The following DUSP16 variants were observed in gnomAD, a reference collection of about 807,000 sequenced individuals.
DUSP16 encodes dual specificity phosphatase 16.
DUSP16 carries 21 observed loss-of-function variants against 58.3 expected under a neutral mutation model. That is an observed-to-expected ratio of 0.36 (90% CI 0.26 to 0.52). The LOEUF (loss-of-function observed/expected upper bound fraction) is 0.52. DUSP16 is among the 20% of genes least tolerant of loss of function. DUSP16 has a pLI of 0.94. For synonymous variants in DUSP16, 320 were observed against 323.8 expected (o/e 0.99, Z 0.12); for missense variants, 726 against 819.0 (o/e 0.89, Z 1.39).
At chr12:12,555,489 G>A (rs1372563899) in intron 1 of DUSP16, among the ~76,000 whole-genome samples, 3 of 151,994 alleles carry the variant, frequency 2.0e-5, no homozygotes, top group African/African-American at 7.3e-5. Flanking sequence ...CTAGTACAAC[G>A]CACACTGTAA....
intron 4 of DUSP16, among the ~76,000 whole-genome samples, chr12:12,494,743 C>T (rs968240227): frequency 4.6e-5 from 7 of 152,070 alleles, no homozygotes; most frequent in East Asian, 3.9e-4. Flanking sequence ...AGGAAGAGAA[C>T]AGGAGAGGTA....
chr12:12,478,096 G>C, intron 6 of DUSP16, 81 bp from the exon 7 acceptor site: 1 of 1,246,482 alleles, frequency 8.0e-7, no homozygotes, highest in Non-Finnish European at 1.1e-6. Context: ...AAATGAGATA[G>C]GGAATTATCA....
chr12:12,549,319 G>A (rs1440297861), intron 1 of DUSP16, among the ~76,000 whole-genome samples: 3 of 151,970 alleles, frequency 2.0e-5, no homozygotes, highest in African/African-American at 4.8e-5. Context: ...GTGTTTTGAT[G>A]GAAATCCTTC....
In DUSP16 at chr12:12,520,743, C is replaced by T. The variant is rs1484710235; in HGVS notation, c.228+128G>A. 1.3e-5 allele frequency: 14 copies of T among 1,096,968 alleles called. No homozygotes were observed. In the East Asian group the frequency reaches 2.6e-4, roughly 20 times the overall value. The allele number at this position is 1,096,968 out of a possible 1,614,324, so 68.0% of individuals were successfully genotyped here. ...AATTATTTTGAGGTACCACAAGGCA[C>T]CAAAATTTAAAAAGCAACCAAAACT... is the stretch of plus-strand genomic sequence containing the variant. On this transcript the variant is annotated intron_variant, in intron 2 of 6. Coordinates refer to ENST00000298573, the MANE Select transcript of DUSP16 (RefSeq NM_030640.3).
Position 12,500,516 on chromosome 12 carries a change from C to A in DUSP16, c.531+3G>T. On this transcript the variant is annotated splice_donor_region_variant and intron_variant, in intron 4 of 6. Transcript: ENST00000298573. ...CAATGAAGGATATTTTCAAAGCACC[C>A]ACCTTGTTGAGGACATCTCGCTGGC... 6.3e-7 allele frequency: 1 copy of A among 1,598,608 alleles called. No individual in the cohort carries two copies. The highest frequency in any genetic ancestry group is 8.5e-7 in the Non-Finnish European group (1 of 1,174,354).
In DUSP16 at chr12:12,501,961, G is replaced by A. The variant is rs547430773; in HGVS notation, c.368-1279C>T. On this transcript the variant is annotated intron_variant, in intron 3 of 6. Transcript: ENST00000298573. ...GCCGAGATTGCGCCACTGCACTCCAGCCTGGGCAACAGAGCAACACTCCGT... is the reference window on the plus strand; with the variant it reads ...GCCGAGATTGCGCCACTGCACTCCAACCTGGGCAACAGAGCAACACTCCGT... Among the ~76,000 whole-genome samples, 57 of 152,262 alleles carry A rather than the reference G, an allele frequency of 3.7e-4. 1 individual carries two copies. In the South Asian group the frequency reaches 0.01, roughly 27 times the overall value.
At chr12:12,554,173 G>A (rs1472785753) in intron 1 of DUSP16, among the ~76,000 whole-genome samples, 1 of 141,880 alleles carries the variant, frequency 7.0e-6, no homozygotes, top group Non-Finnish European at 1.5e-5. Context: ...CTCCAACCTG[G>A]GTGACAGAGT....
intron 1 of DUSP16, among the ~76,000 whole-genome samples, chr12:12,551,495 G>A (rs959181566): frequency 4.7e-5 from 7 of 150,184 alleles, no homozygotes; most frequent in African/African-American, 1.7e-4. Flanking sequence ...ACTATCTGTT[G>A]CCAATGATAT....
At chr12:12,505,086 T>TA (rs1943972811) in intron 3 of DUSP16, among the ~76,000 whole-genome samples, 1 of 152,214 alleles carries the variant, frequency 6.6e-6, no homozygotes, top group Admixed American at 6.5e-5. Context: ...TACACACTCT[T>TA]ACAGCTGCCC....
intron 1 of DUSP16, among the ~76,000 whole-genome samples, chr12:12,543,702 A>G (rs542961388): frequency 1.3e-5 from 2 of 152,264 alleles, no homozygotes; most frequent in South Asian, 4.1e-4. Context: ...CTGATATAGA[A>G]TGACTTCCAG....
At chr12:12,515,329 GC>G in intron 3 of DUSP16, among the ~76,000 whole-genome samples, 1 of 117,054 alleles carries the variant, frequency 8.5e-6, no homozygotes, top group South Asian at 2.9e-4. Context: ...CTATTAATAT[GC>G]TTTTTTTTTT....
chr12:12,554,194 CT>C (rs1944774661), intron 1 of DUSP16, among the ~76,000 whole-genome samples: 1 of 66,570 alleles, frequency 1.5e-5, no homozygotes. Flanking sequence ...GAAACTGGGT[CT>C]CAAAAAAAAA....
At chr12:12,515,108 A>C (rs557851468) in intron 3 of DUSP16, among the ~76,000 whole-genome samples, 20 of 152,250 alleles carry the variant, frequency 1.3e-4, no homozygotes, top group African/African-American at 4.8e-4. Flanking sequence ...TATTCTGCCA[A>C]TATTTTCCTA....
chr12:12,526,423 G>A (rs1944308977), intron 1 of DUSP16, among the ~76,000 whole-genome samples: 1 of 152,062 alleles, frequency 6.6e-6, no homozygotes, highest in African/African-American at 2.4e-5. Flanking sequence ...ATCCAACTCT[G>A]CACAAATACG....
chr12:12,504,704 AAAAAAAAAG>A (rs1181661915), intron 3 of DUSP16, among the ~76,000 whole-genome samples: 9 of 137,294 alleles, frequency 6.6e-5, no homozygotes, highest in African/African-American at 1.6e-4. Flanking sequence ...AAAAAAAAAA[AAAAAAAAAG>A]AAAGAAAGAA....
intron 1 of DUSP16, among the ~76,000 whole-genome samples, chr12:12,549,122 A>G (rs993474038): frequency 4.6e-5 from 7 of 151,970 alleles, no homozygotes; most frequent in African/African-American, 1.5e-4. Flanking sequence ...AAAACCCAAA[A>G]CCTAATTTTA....
rs1943629495 is a variant in DUSP16, at chr12:12,484,018, A to ACC, written c.691+3009_691+3010insGG. 1.3e-5 allele frequency among the ~76,000 whole-genome samples: 2 copies of ACC among 152,042 alleles called. 1 individual carries two copies. The highest frequency in any genetic ancestry group is 4.1e-4 in the South Asian group (2 of 4,830). On this transcript the variant is annotated intron_variant, in intron 5 of 6. Coordinates refer to ENST00000298573, the MANE Select transcript of DUSP16 (RefSeq NM_030640.3). ...AAAATTAAAAAAAAATTTTACATTT[A>ACC]TCTTTAAGAATTTGTGTTTGAGAAT...
chr12:12,477,717 C>CT lies in DUSP16; in HGVS notation c.1113dup (p.Glu372ArgfsTer24), dbSNP rs1457815233. On this transcript the variant is annotated frameshift_variant, in exon 7 of 7. Transcript: ENST00000298573. LOFTEE classifies it high-confidence loss of function. The surrounding 1 kb of genome is among the most constrained non-coding windows in gnomAD (Gnocchi z 4.1). Reference sequence around the variant, plus strand: ...AGCGCCTGTACCAGCGGGCTGTCCTCTAACAGCGACGGCTGCACGCTGGGC... The same window carrying CT: ...AGCGCCTGTACCAGCGGGCTGTCCTCTTAACAGCGACGGCTGCACGCTGGGC... The CT allele has an allele frequency of 2.5e-6, 4 of 1,612,462 alleles. No homozygotes were observed. The highest frequency in any genetic ancestry group is 3.4e-6 in the Non-Finnish European group (4 of 1,179,532).
chr12:12,558,007 CTCTT>C (rs1566065701), intron 1 of DUSP16, among the ~76,000 whole-genome samples: 2 of 152,238 alleles, frequency 1.3e-5, no homozygotes, highest in Non-Finnish European at 2.9e-5. Context: ...TCCCTGAGCC[CTCTT>C]TCTCTTTTGT....
Sources: gnomAD v4.1 joint callset for allele counts (sites outside exome capture counted in the v4.1 genomes callset) on GRCh38, gnomAD v4.1.1 for gene constraint, Gnocchi (gnomAD v3.1) non-coding constraint, MANE v1.5 for transcripts, NCBI Gene and HGNC (gene_info 2026-07-23, HGNC 2026-07-21) for gene names.